The following ADAMTS20 variants were observed in gnomAD, a reference collection of about 807,000 sequenced individuals.
ADAMTS20 encodes A disintegrin and metalloproteinase with thrombospondin motifs 20.
In ADAMTS20, 225 loss-of-function variants were observed where a neutral mutation model predicts 260.1. The observed-to-expected ratio is 0.87, with a 90% CI of 0.78 to 0.97. ADAMTS20 has a LOEUF of 0.97. Ranked by LOEUF, ADAMTS20 falls within the 50% of genes least tolerant of loss-of-function variation. The pLI is 0.00. For missense variants in ADAMTS20, 2,400 were observed against 2,337.7 expected, an observed-to-expected ratio of 1.03 and a Z score of -0.55; for synonymous variants, 802 against 769.5, an observed-to-expected ratio of 1.04 and a Z score of -0.70.
intron 38 of ADAMTS20, among the ~76,000 whole-genome samples, chr12:43,355,417 A>T (rs1939723366): frequency 6.6e-6 from 1 of 152,230 alleles, no homozygotes; most frequent in South Asian, 2.1e-4. Context: ...ATTGAGATAG[A>T]ACTTCTCAAC....
In ADAMTS20 at chr12:43,376,324, G is replaced by T; in HGVS notation, c.5132C>A (p.Ser1711Ter). The change falls in exon 34 of 39, where the codon TCA becomes TAA. Residue 1711 changes from serine to a stop codon, truncating the protein, a stop_gained. Coordinates refer to ENST00000389420, the MANE Select transcript of ADAMTS20 (RefSeq NM_025003.5). LOFTEE classifies it high-confidence loss of function. ...QKKCYANDCK[S>*]FTTCKEIQVK... ...TTGAATTTCTTTGCAGGTGGTAAAT[G>T]ATTTACCTTCAAAGACAAATTAACA... 6.5e-7 allele frequency: 1 copy of T among 1,549,228 alleles called. No individual in the cohort carries two copies. The highest frequency in any genetic ancestry group is 1.2e-5 in the South Asian group (1 of 83,836).
intron 3 of ADAMTS20, among the ~76,000 whole-genome samples, chr12:43,519,858 A>C (rs936116701): frequency 6.6e-6 from 1 of 152,190 alleles, no homozygotes; most frequent in Non-Finnish European, 1.5e-5. Flanking sequence ...TTACAACCTT[A>C]ATATCACCTT....
chr12:43,390,324 A>G (rs1489127792), intron 29 of ADAMTS20, among the ~76,000 whole-genome samples: 1 of 152,214 alleles, frequency 6.6e-6, no homozygotes, highest in African/African-American at 2.4e-5. Flanking sequence ...ATTCAAACTA[A>G]TCAAACTAAT....
chr12:43,460,980 A>ATTT (rs1350142313), intron 11 of ADAMTS20, among the ~76,000 whole-genome samples: 2 of 43,748 alleles, frequency 4.6e-5, no homozygotes, highest in East Asian at 0.011. Flanking sequence ...ATATATATAT[A>ATTT]TATATATATT....
At chr12:43,435,723 C>A (rs1941542347) in intron 18 of ADAMTS20, among the ~76,000 whole-genome samples, 2 of 143,798 alleles carry the variant, frequency 1.4e-5, no homozygotes, top group Admixed American at 6.9e-5. Context: ...GATACAGATA[C>A]CAAGTTGGAG....
chr12:43,450,808 C>T (rs140228145), intron 14 of ADAMTS20, among the ~76,000 whole-genome samples: 3 of 151,966 alleles, frequency 2.0e-5, no homozygotes, highest in Non-Finnish European at 4.4e-5. Context: ...AATATCAATA[C>T]ATTAAGGAAT....
At chr12:43,500,744 C>T (rs75299400) in intron 4 of ADAMTS20, among the ~76,000 whole-genome samples, 25 of 125,692 alleles carry the variant, frequency 2.0e-4, no homozygotes, top group African/African-American at 6.6e-4. Context: ...TGTCTCCATT[C>T]ATTCTTTCAG....
intron 6 of ADAMTS20, among the ~76,000 whole-genome samples, chr12:43,491,609 G>T (rs1299036729): frequency 6.6e-6 from 1 of 152,112 alleles, no homozygotes; most frequent in African/African-American, 2.4e-5. Context: ...ACAATGTATA[G>T]CATTGCTTGT....
At chr12:43,454,594 GCA>G (rs750642213) in intron 11 of ADAMTS20, among the ~76,000 whole-genome samples, 8 of 152,156 alleles carry the variant, frequency 5.3e-5, no homozygotes, top group Non-Finnish European at 1.2e-4. Flanking sequence ...CTACCTGTTA[GCA>G]CACATGGAAA....
intron 7 of ADAMTS20, among the ~76,000 whole-genome samples, chr12:43,489,299 A>C (rs531788713): frequency 1.3e-5 from 2 of 148,284 alleles, no homozygotes; most frequent in Middle Eastern, 6.8e-3. Context: ...TTTCACACAT[A>C]AAAGAATGAA....
intron 7 of ADAMTS20, among the ~76,000 whole-genome samples, chr12:43,476,992 T>TA (rs3990496): frequency 4.6e-3 from 415 of 90,856 alleles, no homozygotes; most frequent in Middle Eastern, 0.017. Flanking sequence ...ACTTAAAGTA[T>TA]AAAAAAAAAA....
At chr12:43,539,678 T>C (rs1943349012) in intron 2 of ADAMTS20, among the ~76,000 whole-genome samples, 1 of 152,136 alleles carries the variant, frequency 6.6e-6, no homozygotes, top group South Asian at 2.1e-4. Flanking sequence ...AGACATTGTT[T>C]TGCAACCTGA....
Position 43,454,021 on chromosome 12 carries a change from T to G in ADAMTS20, c.1646A>C (p.Glu549Ala). ...HCRHGLCVNK[E>A]TETRPVNGEW... is the part of the protein sequence containing the mutation. ...ACCATTTACAGGACGTGTTTCCGTT[T>G]CTTTGTTTACACATAGCCCATGACG... The change falls in exon 12 of 39, where the codon GAA (glutamate) becomes GCA (alanine). Residue 549 changes from glutamate (E) to alanine (A), a missense_variant. Coordinates refer to ENST00000389420, the MANE Select transcript of ADAMTS20 (RefSeq NM_025003.5). 6.2e-7 allele frequency: 1 copy of G among 1,613,816 alleles called. No individual in the cohort carries two copies. Among genetic ancestry groups the G allele is most frequent in the Non-Finnish European group, 8.5e-7 (1 of 1,179,798 alleles).
intron 6 of ADAMTS20, among the ~76,000 whole-genome samples, chr12:43,492,287 G>A (rs1942611691): frequency 6.6e-6 from 1 of 152,006 alleles, no homozygotes; most frequent in South Asian, 2.1e-4. Context: ...GGCTGAGGCA[G>A]GAGAATGGCG....
intron 37 of ADAMTS20, among the ~76,000 whole-genome samples, chr12:43,368,868 A>G (rs1940042177): frequency 6.6e-6 from 1 of 152,144 alleles, no homozygotes; most frequent in Admixed American, 6.5e-5. Flanking sequence ...AATGTATTCA[A>G]TATACATTTT....
chr12:43,383,960 G>T lies in ADAMTS20; in HGVS notation c.4470C>A (p.Gly1490=). 1 of 1,613,666 alleles carries T rather than the reference G, an allele frequency of 6.2e-7. No homozygotes were observed. The highest frequency in any genetic ancestry group is 8.5e-7 in the Non-Finnish European group (1 of 1,179,752). Residue 1490 remains glycine (G), a synonymous_variant, in exon 30 of 39, where the codon GGC becomes GGA. Transcript: ENST00000389420. The stretch of plus-strand genomic sequence containing the variant: ...ATACATCCCTCTGCTGAACTCCAGA[G>T]CCACAGGTCACAGAGCACTACAAAG... ...NSWNECSVTC[G]SGVQQRDVYC...
At chr12:43,395,354 G>T (rs897691378) in intron 29 of ADAMTS20, among the ~76,000 whole-genome samples, 1 of 152,120 alleles carries the variant, frequency 6.6e-6, no homozygotes, top group South Asian at 2.1e-4. Flanking sequence ...ATATGTATAT[G>T]TCAGAAATTC....
chr12:43,427,197 T>C, intron 27 of ADAMTS20, 111 bp downstream of exon 27: 1 of 1,256,654 alleles, frequency 8.0e-7, no homozygotes, highest in Non-Finnish European at 1.1e-6. Flanking sequence ...ACAAAAATTC[T>C]TTTTCTACAT....
At chr12:43,368,186 A>G (rs1427572681) in intron 37 of ADAMTS20, among the ~76,000 whole-genome samples, 1 of 152,102 alleles carries the variant, frequency 6.6e-6, no homozygotes, top group Non-Finnish European at 1.5e-5. Context: ...AAATAACTGT[A>G]ATGTTCCAGT....
Sources: gnomAD v4.1 joint callset for allele counts (sites outside exome capture counted in the v4.1 genomes callset) on GRCh38, gnomAD v4.1.1 for gene constraint, MANE v1.5 for transcripts, NCBI Gene and HGNC (gene_info 2026-07-23, HGNC 2026-07-21) for gene names.